Variants in RARS1 observed in about 807,000 individuals in gnomAD.
RARS1 encodes the protein arginyl-tRNA synthetase 1.
A neutral mutation model predicts 78.7 loss-of-function variants in RARS1; 75 were observed. The ratio of observed to expected loss-of-function variants is 0.95; its 90% CI spans 0.79 to 1.15. The LOEUF is 1.15. Ranked by LOEUF, RARS1 falls within the 50% of genes most tolerant of loss-of-function variation. RARS1 has a pLI of 0.00. For synonymous variants in RARS1, 273 were observed against 268.2 expected, an observed-to-expected ratio of 1.02 and a Z score of -0.18; for missense variants, 787 against 787.5, an observed-to-expected ratio of 1.00 and a Z score of 0.01.
chr5:168,508,493 G>A (rs556436095), intron 11 of RARS1, among the ~76,000 whole-genome samples: 3 of 151,634 alleles, frequency 2.0e-5, no homozygotes, highest in Admixed American at 1.3e-4. Context: ...GGTGGTGGGC[G>A]CCTGTAGTCC....
At chr5:168,502,992 A>G (rs866346809) in intron 9 of RARS1, among the ~76,000 whole-genome samples, 1 of 152,208 alleles carries the variant, frequency 6.6e-6, no homozygotes, top group Non-Finnish European at 1.5e-5. Flanking sequence ...ATAATTTCCC[A>G]TATGGAACTA....
chr5:168,496,376 G>A (rs1758187072), intron 6 of RARS1, among the ~76,000 whole-genome samples: 2 of 77,342 alleles, frequency 2.6e-5, no homozygotes. Context: ...AAGACTCTCT[G>A]TCAAAAAAAA....
chr5:168,508,877 T>C (rs188311528), intron 11 of RARS1, among the ~76,000 whole-genome samples: 1 of 152,120 alleles, frequency 6.6e-6, no homozygotes, highest in East Asian at 1.9e-4. Flanking sequence ...AGCTCCTCTC[T>C]GAAAGAGGCT....
In RARS1 at chr5:168,498,326, T is replaced by A. The variant is rs986721927; in HGVS notation, c.822+978T>A. 3.3e-5 allele frequency among the ~76,000 whole-genome samples: 5 copies of A among 152,262 alleles called. No individual in the cohort carries two copies. The South Asian group carries it at 8.3e-4, about 25-fold the overall frequency. ...AATCAATGCATTATAGGACTTAAAATTTTTTGATGCTTAATTTTATGTATT... is the reference window on the plus strand; with the variant it reads ...AATCAATGCATTATAGGACTTAAAAATTTTTGATGCTTAATTTTATGTATT... On this transcript the variant is annotated intron_variant, in intron 7 of 14. Coordinates refer to ENST00000231572, the MANE Select transcript of RARS1 (RefSeq NM_002887.4).
At chr5:168,488,522 T>C (rs1758015319) in intron 1 of RARS1, 80 bp from the exon 2 acceptor site, 1 of 1,421,796 alleles carries the variant, frequency 7.0e-7, no homozygotes, top group Non-Finnish European at 9.6e-7. Flanking sequence ...ATGATTCCCA[T>C]GGTCTATGCC....
At chr5:168,497,521 A>G (rs982733932) in intron 7 of RARS1, among the ~76,000 whole-genome samples, 173 bp downstream of exon 7, 2 of 147,100 alleles carry the variant, frequency 1.4e-5, no homozygotes, top group African/African-American at 2.5e-5. Flanking sequence ...AACTTAAACT[A>G]CTTTTTTTTT....
intron 8 of RARS1, among the ~76,000 whole-genome samples, chr5:168,501,587 G>T (rs1758323936): frequency 6.6e-6 from 1 of 152,190 alleles, no homozygotes; most frequent in Middle Eastern, 3.2e-3. Context: ...GCCGGGCGTG[G>T]TGGCACACGC....
intron 12 of RARS1, among the ~76,000 whole-genome samples, chr5:168,515,651 C>A (rs1422055952): frequency 1.3e-5 from 2 of 152,184 alleles, no homozygotes; most frequent in Non-Finnish European, 2.9e-5. Context: ...TTCTTTAGGG[C>A]TGAACTATTT....
intron 13 of RARS1, among the ~76,000 whole-genome samples, chr5:168,517,521 C>A (rs551856020): frequency 1.3e-5 from 2 of 152,222 alleles, no homozygotes; most frequent in Admixed American, 1.3e-4. Flanking sequence ...TGCAAGTTAT[C>A]CCAGAATCCC....
Position 168,492,753 on chromosome 5 carries a change from A to G in RARS1, c.275A>G (p.Tyr92Cys). The change falls in exon 3 of 15, where the codon TAT (tyrosine) becomes TGT (cysteine). Residue 92 changes from tyrosine (Y) to cysteine (C), a missense_variant. By Grantham distance (194) the Tyr-to-Cys change is radical. Transcript: ENST00000231572. Reference sequence around the variant, plus strand: ...TTTGGTCATGCAATTAAGGCTGCATATCCAGATTTGGAAAATCCTCCTCTG... The same window carrying G: ...TTTGGTCATGCAATTAAGGCTGCATGTCCAGATTTGGAAAATCCTCCTCTG... ...EVFGHAIKAA[Y>C]PDLENPPLLV... The G allele has an allele frequency of 6.2e-7, 1 of 1,613,508 alleles. No individual in the cohort carries two copies. Among genetic ancestry groups the G allele is most frequent in the Non-Finnish European group, 8.5e-7 (1 of 1,179,382 alleles).
At chr5:168,503,952 A>C (rs1270165619) in intron 9 of RARS1, among the ~76,000 whole-genome samples, 1 of 151,278 alleles carries the variant, frequency 6.6e-6, no homozygotes, top group Non-Finnish European at 1.5e-5. Context: ...GGGCATGGTG[A>C]TGCATGCCTG....
chr5:168,500,671 C>T lies in RARS1; in HGVS notation c.903C>T (p.Asn301=). Residue 301 remains asparagine (N), a synonymous_variant, in exon 8 of 15, where the codon AAC becomes AAT. Transcript: ENST00000231572. ...GTGTAGTTCTGCTCCAGGGTAAAAA[C>T]CCAGATATTACAAAAGCTTGGAAGC... ...YQCVVLLQGK[N]PDITKAWKLI... 6.2e-7 allele frequency: 1 copy of T among 1,610,268 alleles called. No homozygotes were observed. The highest frequency in any genetic ancestry group is 8.5e-7 in the Non-Finnish European group (1 of 1,179,016).
intron 11 of RARS1, 95 bp from the exon 12 acceptor site, chr5:168,510,486 A>T: frequency 1.2e-6 from 1 of 830,754 alleles, no homozygotes; most frequent in Non-Finnish European, 2.0e-6. Flanking sequence ...CATATGTTGC[A>T]GTTTTGTGGT....
At chr5:168,486,567 G>A (rs1484503767) in intron 1 of RARS1, 24 bp downstream of exon 1, 3 of 1,552,346 alleles carry the variant, frequency 1.9e-6, no homozygotes, top group East Asian at 4.8e-5. Context: ...AGACCGGCGG[G>A]AAGGCCTGAA....
chr5:168,496,672 C>T lies in RARS1; in HGVS notation c.702-556C>T, dbSNP rs563898508. ...TAATTTTTTGTATTTTTAGTAGAGACGGGGTTTCACCATGTTGGCCAGGCG... is the reference window on the plus strand; with the variant it reads ...TAATTTTTTGTATTTTTAGTAGAGATGGGGTTTCACCATGTTGGCCAGGCG... On this transcript the variant is annotated intron_variant, in intron 6 of 14. Coordinates refer to ENST00000231572, the MANE Select transcript of RARS1 (RefSeq NM_002887.4). Among the ~76,000 whole-genome samples, 21 of 151,862 alleles carry T rather than the reference C, an allele frequency of 1.4e-4. No homozygotes were observed. The East Asian group carries it at 3.0e-3, about 21-fold the overall frequency.
At chr5:168,511,106 G>T (rs934067378) in intron 12 of RARS1, among the ~76,000 whole-genome samples, 2 of 152,088 alleles carry the variant, frequency 1.3e-5, no homozygotes, top group Non-Finnish European at 1.5e-5. Context: ...TTCAGAGCAG[G>T]CAACATGATG....
chr5:168,516,353 C>T (rs745911272), intron 12 of RARS1, among the ~76,000 whole-genome samples: 107 of 152,134 alleles, frequency 7.0e-4, no homozygotes, highest in Non-Finnish European at 1.4e-3. Flanking sequence ...CTTTTATCTA[C>T]TCTTAATACA....
At chr5:168,498,957 G>C (rs922387943) in intron 7 of RARS1, among the ~76,000 whole-genome samples, 2 of 151,944 alleles carry the variant, frequency 1.3e-5, no homozygotes, top group Middle Eastern at 6.3e-3. Flanking sequence ...CTGGGCAACA[G>C]AGTGAGACCC....
At chr5:168,492,578 T>A in intron 2 of RARS1, 81 bp from the exon 3 acceptor site, 1 of 1,222,790 alleles carries the variant, frequency 8.2e-7, no homozygotes, top group East Asian at 2.4e-5. Flanking sequence ...TTTGGAGGTT[T>A]ATACTCAAAA....
Sources: gnomAD v4.1 joint callset for allele counts (sites outside exome capture counted in the v4.1 genomes callset) on GRCh38, gnomAD v4.1.1 for gene constraint, MANE v1.5 for transcripts, NCBI Gene and HGNC (gene_info 2026-07-23, HGNC 2026-07-21) for gene names.